The following PCSK9 variants were observed in gnomAD, a reference collection of about 807,000 sequenced individuals.
The protein encoded by PCSK9 is convertase subtilisin/kexin type 9 preproprotein.
PCSK9 carries 57 observed loss-of-function variants against 62.1 expected under a neutral mutation model. That is an observed-to-expected ratio of 0.92 (90% CI 0.74 to 1.14). The LOEUF (loss-of-function observed/expected upper bound fraction) is 1.14. Ranked by LOEUF, PCSK9 falls within the 50% of genes most tolerant of loss-of-function variation. The pLI is 0.00. For missense variants in PCSK9, 870 were observed against 959.8 expected (o/e 0.91, Z 1.24); for synonymous variants, 387 against 409.4 (o/e 0.95, Z 0.66).
chr1:55,039,773 C>T lies in PCSK9; in HGVS notation c.-65C>T. 1 of 1,546,708 alleles carries T rather than the reference C, an allele frequency of 6.5e-7. No homozygotes were observed. Among genetic ancestry groups the T allele is most frequent in the Non-Finnish European group, 8.8e-7 (1 of 1,139,728 alleles). On this transcript the variant is annotated 5_prime_UTR_variant, in exon 1 of 12. Transcript: ENST00000302118. ...CCCCACCGCAAGGCTCAAGGCGCCG[C>T]CGGCGTGGACCGCGCACGGCCTCTA...
intron 3 of PCSK9, chr1:55,051,705 G>C (rs533843321): frequency 4.7e-6 from 1 of 210,552 alleles, no homozygotes; most frequent in African/African-American, 2.4e-5. Flanking sequence ...GTTGTGACTC[G>C]TGTGAGGCAG....
intron 1 of PCSK9, among the ~76,000 whole-genome samples, chr1:55,043,135 T>A (rs1008142126): frequency 2.0e-5 from 3 of 152,234 alleles, no homozygotes; most frequent in African/African-American, 7.2e-5. Context: ...TAAATCCCTT[T>A]TCCTTGTAAA....
At chr1:55,041,004 T>C (rs372497060) in intron 1 of PCSK9, among the ~76,000 whole-genome samples, 1 of 152,220 alleles carries the variant, frequency 6.6e-6, no homozygotes, top group East Asian at 1.9e-4. Context: ...TGGCTTCCTC[T>C]CACTAGCTGT....
At chr1:55,042,701 A>G (rs1330685556) in intron 1 of PCSK9, among the ~76,000 whole-genome samples, 1 of 152,238 alleles carries the variant, frequency 6.6e-6, no homozygotes, top group Middle Eastern at 3.2e-3. Context: ...TTAAGCAGGT[A>G]TGTCTGCCTG....
chr1:55,062,946 G>A (rs956410514), intron 11 of PCSK9, among the ~76,000 whole-genome samples: 1 of 152,118 alleles, frequency 6.6e-6, no homozygotes, highest in African/African-American at 2.4e-5. Context: ...CGGGGCTCAG[G>A]CTGGAGTCTG....
Position 55,046,631 on chromosome 1 carries a change from G to A in PCSK9, c.508G>A (p.Glu170Lys). 6.2e-7 allele frequency: 1 copy of A among 1,613,974 alleles called. No homozygotes were observed. The highest frequency in any genetic ancestry group is 8.5e-7 in the Non-Finnish European group (1 of 1,179,990). ...RITPPRYRAD[E>K]YQPPDGGSLV... is the part of the protein sequence containing the mutation. ...TACCCCTCCACGGTACCGGGCGGAT[G>A]AATACCAGCCCCCCGGTAAGACCCC... The change falls in exon 3 of 12, where the codon GAA becomes AAA. Residue 170 changes from glutamate to lysine, a missense_variant. Physicochemically the swap from Glu to Lys is moderately conservative, Grantham distance 56 (BLOSUM62 1). Coordinates refer to ENST00000302118, the MANE Select transcript of PCSK9 (RefSeq NM_174936.4).
At position 55,063,699 on chromosome 1, in the gene PCSK9, A is replaced by T; in HGVS notation, c.*115A>T. ...CATGGCCTGGCACGAGGGGATGGGG[A>T]TGCTTCCGCCTTTCCGGGGCTGCTG... On this transcript the variant is annotated 3_prime_UTR_variant, in exon 12 of 12. Transcript: ENST00000302118. 1 of 1,248,210 alleles carries T rather than the reference A, an allele frequency of 8.0e-7. No homozygotes were observed. The highest frequency in any genetic ancestry group is 1.1e-6 in the Non-Finnish European group (1 of 913,792). 77.3% of individuals were successfully genotyped at this position (1,248,210 alleles called of 1,614,324 possible). A position where few individuals can be genotyped will look rare whatever the true frequency, so the allele number is the denominator to read the frequency against.
chr1:55,057,567 C>T (rs1004901805), intron 7 of PCSK9, 53 bp downstream of exon 7: 6 of 1,554,824 alleles, frequency 3.9e-6, no homozygotes, highest in South Asian at 3.5e-5. Context: ...GCCCCTTTGG[C>T]AGTCAGGGTC....
chr1:55,041,614 T>C (rs1250363304), intron 1 of PCSK9, among the ~76,000 whole-genome samples: 3 of 152,202 alleles, frequency 2.0e-5, no homozygotes, highest in Admixed American at 6.5e-5. Flanking sequence ...GAATCGAATT[T>C]AGAATGAAAA....
In PCSK9 at chr1:55,063,582, T is replaced by G; in HGVS notation, c.2077T>G (p.Ter693GlyextTer19). The change falls in exon 12 of 12, where the codon TGA becomes GGA. Residue 693 changes from the stop codon to glycine (G), a stop_lost. Coordinates refer to ENST00000302118, the MANE Select transcript of PCSK9 (RefSeq NM_174936.4). ...GGCGCAGGCCTCCCAGGAGCTCCAGTGACAGCCCCATCCCAGGATGGGTGT... is the reference window on the plus strand; with the variant it reads ...GGCGCAGGCCTCCCAGGAGCTCCAGGGACAGCCCCATCCCAGGATGGGTGT... The part of the protein sequence containing the change: ...HLAQASQELQ[*>G] 3 of 1,611,524 alleles carry G rather than the reference T, an allele frequency of 1.9e-6. No homozygotes were observed. The highest frequency in any genetic ancestry group is 2.5e-6 in the Non-Finnish European group (3 of 1,179,650).
At chr1:55,056,301 C>T (rs1024037310) in intron 6 of PCSK9, 112 bp downstream of exon 6, 6 of 1,204,458 alleles carry the variant, frequency 5.0e-6, no homozygotes, top group Middle Eastern at 3.0e-4. Context: ...TCTTGTGGCA[C>T]GTTCCTGGAG....
intron 3 of PCSK9, among the ~76,000 whole-genome samples, chr1:55,050,008 A>G (rs1185650926): frequency 6.6e-6 from 1 of 152,170 alleles, no homozygotes; most frequent in Admixed American, 6.5e-5. Flanking sequence ...GACGAGGAAC[A>G]TGGACTGGAA....
At chr1:55,046,759 AG>A in intron 3 of PCSK9, 113 bp downstream of exon 3, 1 of 1,284,860 alleles carries the variant, frequency 7.8e-7, no homozygotes, top group Admixed American at 1.9e-5. Context: ...TTTGGGACTC[AG>A]CACCTCCACT....
rs1306315743 is a variant in PCSK9, at chr1:55,040,050, G to C, written c.207+6G>C. ...CCTTCCACCGCTGCGCCAAGGTGCG[G>C]GTGTAGGGATGGGAGGCCGGGGCGA... On this transcript the variant is annotated splice_donor_region_variant and intron_variant, in intron 1 of 11. Transcript: ENST00000302118. This position sits in a 1 kb window ranked among gnomAD's most constrained non-coding sequence, Gnocchi z 4.1. 60 of 1,557,856 alleles carry C rather than the reference G, an allele frequency of 3.9e-5. No homozygotes were observed. The highest frequency in any genetic ancestry group is 5.1e-5 in the Non-Finnish European group (59 of 1,151,546).
chr1:55,050,586 T>C (rs1644665939), intron 3 of PCSK9, among the ~76,000 whole-genome samples: 1 of 152,212 alleles, frequency 6.6e-6, no homozygotes, highest in Non-Finnish European at 1.5e-5. Context: ...CCCACGGGAC[T>C]GATCAGTGGA....
intron 2 of PCSK9, among the ~76,000 whole-genome samples, chr1:55,045,454 G>A (rs562025150): frequency 2.0e-5 from 3 of 152,312 alleles, no homozygotes; most frequent in Non-Finnish European, 2.9e-5. Context: ...TGCTAGGTAC[G>A]GAAACTCGCT....
At chr1:55,060,715 A>C (rs1305028117) in intron 10 of PCSK9, among the ~76,000 whole-genome samples, 1 of 152,158 alleles carries the variant, frequency 6.6e-6, no homozygotes, top group African/African-American at 2.4e-5. Context: ...CAGCTAAGGG[A>C]ACTGCAGGCT....
intron 1 of PCSK9, among the ~76,000 whole-genome samples, chr1:55,041,200 A>G (rs1644596205): frequency 6.6e-6 from 1 of 152,106 alleles, no homozygotes; most frequent in South Asian, 2.1e-4. Flanking sequence ...CTGCAGTGTG[A>G]CCTGTTGGTG....
chr1:55,043,826 T>C lies in PCSK9; in HGVS notation c.208-17T>C, dbSNP rs768088952. 1 of 1,613,754 alleles carries C rather than the reference T, an allele frequency of 6.2e-7. No homozygotes were observed. Among genetic ancestry groups the C allele is most frequent in the Admixed American group, 1.7e-5 (1 of 60,030 alleles). ...GGTTTCTTCCATGTCATCATGTTCCTCCTTGCATGGGGCCAGGATCCGTGG... is the reference window on the plus strand; with the variant it reads ...GGTTTCTTCCATGTCATCATGTTCCCCCTTGCATGGGGCCAGGATCCGTGG... On this transcript the variant is annotated splice_polypyrimidine_tract_variant and intron_variant, in intron 1 of 11. Coordinates refer to ENST00000302118, the MANE Select transcript of PCSK9 (RefSeq NM_174936.4).
Sources: gnomAD v4.1 joint callset for allele counts (sites outside exome capture counted in the v4.1 genomes callset) on GRCh38, gnomAD v4.1.1 for gene constraint, Gnocchi (gnomAD v3.1) non-coding constraint, MANE v1.5 for transcripts, NCBI Gene and HGNC (gene_info 2026-07-23, HGNC 2026-07-21) for gene names.